KCND2: variants seen among roughly 807,000 people sequenced by gnomAD.
The protein encoded by KCND2 is potassium voltage-gated channel subfamily D member 2.
In KCND2, 16 loss-of-function variants were observed where a neutral mutation model predicts 54.4. The ratio of observed to expected loss-of-function variants is 0.29; its 90% CI spans 0.20 to 0.45. KCND2 has a LOEUF of 0.45. Ranked by LOEUF, KCND2 falls within the 20% of genes least tolerant of loss-of-function variation. KCND2 has a pLI of 1.00. For synonymous variants in KCND2, 317 were observed against 310.7 expected (o/e 1.02, Z -0.21); for missense variants, 486 against 824.2 (o/e 0.59, Z 5.02).
rs116070142 is a variant in KCND2, at chr7:120,691,480, G to C, written c.1116-41423G>C. On this transcript the variant is annotated intron_variant, in intron 1 of 5. Transcript: ENST00000331113. ...GATTGGACAGTGACTGTAAGAGACA[G>C]AGGTATAGGATGACTGAGGTTTTTG... 2.4e-3 allele frequency among the ~76,000 whole-genome samples: 362 copies of C among 152,296 alleles called. 2 individuals are homozygous for C. Among genetic ancestry groups the C allele is most frequent in the African/African-American group, 8.5e-3 (352 of 41,546 alleles).
intron 1 of KCND2, among the ~76,000 whole-genome samples, chr7:120,425,385 C>T (rs539344218): frequency 7.9e-5 from 12 of 152,160 alleles, no homozygotes; most frequent in African/African-American, 2.4e-4. Flanking sequence ...TGCCTGCCTG[C>T]GACAATATTT....
intron 1 of KCND2, among the ~76,000 whole-genome samples, chr7:120,316,322 A>G (rs146777081): frequency 1.3e-5 from 2 of 152,312 alleles, no homozygotes; most frequent in Non-Finnish European, 2.9e-5. Flanking sequence ...TTAGCTAGCT[A>G]TGTGATGCAG....
At chr7:120,435,354 A>G (rs1801851510) in intron 1 of KCND2, among the ~76,000 whole-genome samples, 1 of 150,760 alleles carries the variant, frequency 6.6e-6, no homozygotes, top group Admixed American at 6.6e-5. Context: ...ACCTCAAGTG[A>G]TCCACTCACC....
At chr7:120,597,240 G>T (rs556342148) in intron 1 of KCND2, among the ~76,000 whole-genome samples, 18 of 152,152 alleles carry the variant, frequency 1.2e-4, no homozygotes, top group Non-Finnish European at 1.5e-4. Context: ...TGTCTGATTG[G>T]ATGTAGAGGA....
chr7:120,469,024 C>T (rs1325905654), intron 1 of KCND2, among the ~76,000 whole-genome samples: 1 of 152,088 alleles, frequency 6.6e-6, no homozygotes, highest in East Asian at 1.9e-4. Context: ...GATACACACA[C>T]ACACACACAC....
intron 1 of KCND2, among the ~76,000 whole-genome samples, chr7:120,559,389 A>T (rs1792205150): frequency 6.6e-6 from 1 of 152,176 alleles, no homozygotes; most frequent in Admixed American, 6.5e-5. Context: ...CTACACTTGC[A>T]GAGTAGTCAG....
chr7:120,369,253 T>C (rs1182499692), intron 1 of KCND2, among the ~76,000 whole-genome samples: 1 of 152,018 alleles, frequency 6.6e-6, no homozygotes, highest in Non-Finnish European at 1.5e-5. Context: ...AAAAGAAATC[T>C]GCAAACCGTG....
At chr7:120,614,537 T>G (rs17142856) in intron 1 of KCND2, among the ~76,000 whole-genome samples, 8,755 of 152,214 alleles carry the variant, frequency 0.058, 269 homozygotes, top group African/African-American at 0.075. Flanking sequence ...TCTCCTGAAT[T>G]TCACCTCACA....
chr7:120,649,770 T>A (rs564204910), intron 1 of KCND2, among the ~76,000 whole-genome samples: 1 of 152,306 alleles, frequency 6.6e-6, no homozygotes, highest in South Asian at 2.1e-4. Context: ...TTCCTTTCCA[T>A]GTTTAGTGCT....
intron 1 of KCND2, among the ~76,000 whole-genome samples, chr7:120,583,959 A>G (rs1792554320): frequency 2.6e-5 from 4 of 152,246 alleles, no homozygotes; most frequent in Admixed American, 2.0e-4. Context: ...GAAGGTGTCA[A>G]CCACAGGACA....
At chr7:120,419,931 T>C (rs1162775514) in intron 1 of KCND2, among the ~76,000 whole-genome samples, 3 of 150,914 alleles carry the variant, frequency 2.0e-5, no homozygotes, top group Non-Finnish European at 4.4e-5. Flanking sequence ...AGTAGGAAGA[T>C]ATTATTTTTT....
intron 1 of KCND2, among the ~76,000 whole-genome samples, chr7:120,695,616 G>A (rs1396179033): frequency 6.6e-6 from 1 of 152,138 alleles, no homozygotes; most frequent in African/African-American, 2.4e-5. Context: ...AGAAAAGGAA[G>A]AAATAGCAAA....
At chr7:120,688,757 G>C (rs1288947347) in intron 1 of KCND2, among the ~76,000 whole-genome samples, 1 of 152,084 alleles carries the variant, frequency 6.6e-6, no homozygotes, top group Admixed American at 6.6e-5. Context: ...GAAAAAAAAT[G>C]TTAAAAGAAC....
intron 1 of KCND2, among the ~76,000 whole-genome samples, chr7:120,707,186 T>C (rs547640583): frequency 6.6e-6 from 1 of 152,290 alleles, no homozygotes; most frequent in East Asian, 1.9e-4. Flanking sequence ...ACAAATATGA[T>C]GTTTGGAAGA....
chr7:120,743,632 G>T (rs1038384552), intron 4 of KCND2, among the ~76,000 whole-genome samples: 1 of 152,162 alleles, frequency 6.6e-6, no homozygotes, highest in Non-Finnish European at 1.5e-5. Flanking sequence ...GACCTGCAGG[G>T]TGACTAGGAG....
intron 1 of KCND2, among the ~76,000 whole-genome samples, chr7:120,575,234 C>T (rs1792415875): frequency 6.6e-6 from 1 of 152,086 alleles, no homozygotes; most frequent in Non-Finnish European, 1.5e-5. Context: ...GTCCCAAAAC[C>T]TCAAAAGTAG....
chr7:120,373,845 C>CT (rs1800799672), intron 1 of KCND2, among the ~76,000 whole-genome samples: 1 of 151,680 alleles, frequency 6.6e-6, no homozygotes, highest in Non-Finnish European at 1.5e-5. Context: ...AAGACAGTAC[C>CT]ATTCAAATTA....
chr7:120,697,023 C>T (rs747201232), intron 1 of KCND2, among the ~76,000 whole-genome samples: 1 of 152,158 alleles, frequency 6.6e-6, no homozygotes, highest in Non-Finnish European at 1.5e-5. Context: ...AACTTGAGAA[C>T]ATTCAATTTT....
At chr7:120,580,496 A>G (rs906561815) in intron 1 of KCND2, among the ~76,000 whole-genome samples, 1 of 152,090 alleles carries the variant, frequency 6.6e-6, no homozygotes, top group African/African-American at 2.4e-5. Context: ...AACTGGCAGA[A>G]CCCACCAATC....
Sources: gnomAD v4.1 joint callset for allele counts (sites outside exome capture counted in the v4.1 genomes callset) on GRCh38, gnomAD v4.1.1 for gene constraint, MANE v1.5 for transcripts, NCBI Gene and HGNC (gene_info 2026-07-23, HGNC 2026-07-21) for gene names.